Variants in BPTF observed in about 807,000 individuals in gnomAD.
The protein encoded by BPTF is nucleosome-remodeling factor subunit BPTF.
In BPTF, 18 loss-of-function variants were observed where a neutral mutation model predicts 292.5. The observed-to-expected ratio is 0.06, with a 90% CI of 0.04 to 0.09. The LOEUF is 0.09. Ranked by LOEUF, BPTF falls within the 10% of genes least tolerant of loss-of-function variation. The pLI, the probability that BPTF is intolerant of heterozygous loss-of-function variation, is 1.00. For missense variants in BPTF, 2,726 were observed against 3,498.7 expected (o/e 0.78, Z 5.57); for synonymous variants, 1,225 against 1,251.9 (o/e 0.98, Z 0.45).
chr17:67,851,235 G>A (rs1251754976), intron 1 of BPTF, among the ~76,000 whole-genome samples: 1 of 150,994 alleles, frequency 6.6e-6, no homozygotes, highest in Non-Finnish European at 1.5e-5. Flanking sequence ...TGGGCTCAAG[G>A]AACACAAAAA....
intron 26 of BPTF, among the ~76,000 whole-genome samples, chr17:67,972,170 A>G (rs1473008248): frequency 6.6e-6 from 1 of 152,076 alleles, no homozygotes; most frequent in Non-Finnish European, 1.5e-5. Context: ...TCCTATTCAC[A>G]TATTTCTTAT....
intron 1 of BPTF, among the ~76,000 whole-genome samples, chr17:67,829,715 G>T (rs1259259917): frequency 6.6e-6 from 1 of 152,160 alleles, no homozygotes; most frequent in African/African-American, 2.4e-5. Context: ...TTTGAATCCT[G>T]TTGTACTGTG....
chr17:67,860,741 C>A (rs528266124), intron 2 of BPTF, among the ~76,000 whole-genome samples: 9 of 152,192 alleles, frequency 5.9e-5, no homozygotes, highest in African/African-American at 2.2e-4. Context: ...CATTTTTTTG[C>A]AGAGACAGAG....
At chr17:67,826,718 TGAAA>T (rs1431144612) in intron 1 of BPTF, among the ~76,000 whole-genome samples, 4 of 152,166 alleles carry the variant, frequency 2.6e-5, no homozygotes, top group Non-Finnish European at 5.9e-5. Context: ...TTTTCTGGAA[TGAAA>T]GAAGCCTCTT....
At chr17:67,870,041 T>A (rs77901578) in intron 3 of BPTF, among the ~76,000 whole-genome samples, 240 of 151,304 alleles carry the variant, frequency 1.6e-3, no homozygotes, top group Non-Finnish European at 3.0e-3. Context: ...CAAAACCTTT[T>A]GTAGTAATGG....
At chr17:67,834,495 G>C (rs1303748722) in intron 1 of BPTF, among the ~76,000 whole-genome samples, 1 of 152,098 alleles carries the variant, frequency 6.6e-6, no homozygotes, top group East Asian at 1.9e-4. Context: ...ATTACTGAGA[G>C]AAGTCTTGAA....
rs546526496 is a variant in BPTF at position 67,889,819 on chromosome 17, A to T, written c.1865-2025A>T. Reference sequence around the variant, plus strand: ...GCGAAACTCCATCTCAAAAAAAAGAAAAAAAACCTCCATGATCTGAGACCC... The same window carrying T: ...GCGAAACTCCATCTCAAAAAAAAGATAAAAAACCTCCATGATCTGAGACCC... On this transcript the variant is annotated intron_variant, in intron 4 of 27. Coordinates refer to ENST00000306378, the MANE Select transcript of BPTF (RefSeq NM_182641.4). Among the ~76,000 whole-genome samples, 7 of 152,270 alleles carry T rather than the reference A, an allele frequency of 4.6e-5. No individual in the cohort carries two copies. The East Asian group carries it at 1.4e-3, about 29-fold the overall frequency.
At chr17:67,933,857 G>C (rs1415282306) in intron 18 of BPTF, among the ~76,000 whole-genome samples, 1 of 151,958 alleles carries the variant, frequency 6.6e-6, no homozygotes, top group Non-Finnish European at 1.5e-5. Context: ...TCAGGAGTTT[G>C]AGACCAGCCT....
chr17:67,966,703 T>G, intron 26 of BPTF, 47 bp downstream of exon 26: 1 of 1,371,564 alleles, frequency 7.3e-7, no homozygotes, highest in Non-Finnish European at 9.7e-7. Context: ...TCTCAGTGGA[T>G]GTTTTATTAT....
Position 67,911,015 on chromosome 17 carries a change from G to A in BPTF, c.3131G>A (p.Gly1044Asp). Residue 1044 changes from glycine (G) to aspartate (D), a missense_variant, in exon 11 of 28, where the codon GGT becomes GAT. Around this residue, in one of 22 missense-constraint regions of BPTF, gnomAD observed 713 missense variants for 714.9 expected, o/e 1.00. Coordinates refer to ENST00000306378, the MANE Select transcript of BPTF (RefSeq NM_182641.4). ...SQVDVVNVSEGFHLRTSYKKK... is the reference protein window; with the variant it reads ...SQVDVVNVSEDFHLRTSYKKK... ...GTAGATGTGGTCAATGTTAGTGAGGGTTTTCATCTAAGGACTAGTTACAAA... is the reference window on the plus strand; with the variant it reads ...GTAGATGTGGTCAATGTTAGTGAGGATTTTCATCTAAGGACTAGTTACAAA... 6.2e-7 allele frequency: 1 copy of A among 1,605,842 alleles called. No individual in the cohort carries two copies. The highest frequency in any genetic ancestry group is 8.5e-7 in the Non-Finnish European group (1 of 1,175,604).
chr17:67,893,792 T>G, intron 6 of BPTF, 67 bp downstream of exon 6: 1 of 1,368,616 alleles, frequency 7.3e-7, no homozygotes, highest in South Asian at 1.4e-5. Flanking sequence ...ATTGTTGTAG[T>G]TGTGCATTTG....
At chr17:67,968,838 C>T (rs1346088144) in intron 26 of BPTF, among the ~76,000 whole-genome samples, 11 of 150,960 alleles carry the variant, frequency 7.3e-5, no homozygotes, top group Non-Finnish European at 1.5e-4. Flanking sequence ...CAAAATTAGC[C>T]CGGCGTGGTG....
rs771790818 is a variant in BPTF, at chr17:67,911,589, A to G, written c.3705A>G (p.Lys1235=). Residue 1235 remains lysine (K), a synonymous_variant, in exon 11 of 28, where the codon AAA becomes AAG. Coordinates refer to ENST00000306378, the MANE Select transcript of BPTF (RefSeq NM_182641.4). ...DIGTLICKNK[K]PLIQEESDTI... Reference sequence around the variant, plus strand: ...GTACTTTGATCTGTAAGAACAAAAAACCGCTCATACAGGAGGAAAGTGACA... The same window carrying G: ...GTACTTTGATCTGTAAGAACAAAAAGCCGCTCATACAGGAGGAAAGTGACA... 7 of 1,614,064 alleles carry G rather than the reference A, an allele frequency of 4.3e-6. No individual in the cohort carries two copies. In the Admixed American group the frequency reaches 1.2e-4, roughly 27 times the overall value.
In BPTF at chr17:67,854,148, G is replaced by C. The variant is rs1258655840; in HGVS notation, c.822G>C (p.Leu274=). 6.2e-7 allele frequency: 1 copy of C among 1,614,176 alleles called. No homozygotes were observed. The change falls in exon 2 of 28, where the codon CTG becomes CTC. Residue 274 remains leucine, a synonymous_variant. Transcript: ENST00000306378. This position sits in a 1 kb window ranked among gnomAD's most constrained non-coding sequence, Gnocchi z 5.6. ...PFRFEDFCAA[L]VSQEQCTLMA... ...GCTTTGAGGACTTTTGTGCAGCTCT[G>C]GTGAGCCAAGAGCAGTGCACACTCA...
chr17:67,935,147 G>A (rs2064808963), intron 18 of BPTF, among the ~76,000 whole-genome samples: 1 of 152,142 alleles, frequency 6.6e-6, no homozygotes, highest in Non-Finnish European at 1.5e-5. Flanking sequence ...AACAAGACCT[G>A]ATGCGGTGGC....
chr17:67,906,759 G>A (rs903622465), intron 9 of BPTF, among the ~76,000 whole-genome samples: 5 of 151,826 alleles, frequency 3.3e-5, no homozygotes, highest in African/African-American at 7.3e-5. Flanking sequence ...TCTTGCTCGC[G>A]ACAGAATTAT....
intron 1 of BPTF, among the ~76,000 whole-genome samples, chr17:67,843,677 A>G (rs2057760724): frequency 6.7e-6 from 1 of 149,134 alleles, no homozygotes; most frequent in African/African-American, 2.5e-5. Flanking sequence ...CCTTTACTAT[A>G]GAGCAGTTCT....
Position 67,946,083 on chromosome 17 carries a change from C to T in BPTF, c.7375C>T (p.Gln2459Ter), listed in dbSNP as rs781834982. 6.2e-7 allele frequency: 1 copy of T among 1,614,192 alleles called. No homozygotes were observed. The highest frequency in any genetic ancestry group is 1.1e-5 in the South Asian group (1 of 91,078). ...QSQVVAQIQA[Q>*]QSGVPQQIKL... ...ACAGGTTGTGGCTCAGATACAGGCT[C>T]AGCAAAGTGGTGTGCCCCAGCAAAT... Residue 2459 changes from glutamine to a stop codon, truncating the protein, a stop_gained, in exon 21 of 28, where the codon CAG (glutamine) becomes TAG (stop). Coordinates refer to ENST00000306378, the MANE Select transcript of BPTF (RefSeq NM_182641.4). LOFTEE classifies it high-confidence loss of function.
intron 3 of BPTF, among the ~76,000 whole-genome samples, chr17:67,868,280 C>G (rs970249350): frequency 1.3e-5 from 2 of 152,170 alleles, no homozygotes; most frequent in Non-Finnish European, 2.9e-5. Context: ...CAGAGGCAAT[C>G]ATTATTGCTG....
Sources: allele counts gnomAD v4.1 joint callset (sites outside exome capture counted in the v4.1 genomes callset), GRCh38; gene constraint gnomAD v4.1.1; regional missense constraint gnomAD v4.1.1; non-coding constraint Gnocchi (gnomAD v3.1); transcripts MANE v1.5; gene names NCBI Gene and HGNC (gene_info 2026-07-23, HGNC 2026-07-21).